The following COL19A1 variants were observed in gnomAD, a reference collection of about 807,000 sequenced individuals.
COL19A1 encodes collagen alpha-1(XIX) chain.
A neutral mutation model predicts 190.2 loss-of-function variants in COL19A1; 159 were observed. The ratio of observed to expected loss-of-function variants is 0.84; its 90% CI spans 0.73 to 0.95. The LOEUF is 0.95. COL19A1 is among the 40% of genes least tolerant of loss of function. COL19A1 has a pLI of 0.00. For synonymous variants in COL19A1, 509 were observed against 458.9 expected (o/e 1.11, Z -1.39); for missense variants, 1,418 against 1,431.9 (o/e 0.99, Z 0.16).
chr6:69,885,471 T>C (rs988927345), intron 2 of COL19A1, among the ~76,000 whole-genome samples: 2 of 152,230 alleles, frequency 1.3e-5, no homozygotes, highest in African/African-American at 2.4e-5. Flanking sequence ...ACGTAGTTAC[T>C]TATTTTTGTA....
At chr6:70,006,557 C>A (rs916050837) in intron 11 of COL19A1, among the ~76,000 whole-genome samples, 1 of 152,156 alleles carries the variant, frequency 6.6e-6, no homozygotes, top group Non-Finnish European at 1.5e-5. Flanking sequence ...TCTATGGGAG[C>A]CTCTGATTGC....
intron 9 of COL19A1, among the ~76,000 whole-genome samples, chr6:69,938,391 G>T (rs1773248385): frequency 6.6e-6 from 1 of 152,028 alleles, no homozygotes; most frequent in African/African-American, 2.4e-5. Context: ...TTCTAGCTGT[G>T]CCCTAGCCTT....
intron 18 of COL19A1, among the ~76,000 whole-genome samples, chr6:70,132,429 T>C (rs77577855): frequency 0.02 from 3,034 of 152,238 alleles, 91 homozygotes; most frequent in African/African-American, 0.068. Flanking sequence ...AACATGAGCA[T>C]AGCAGTTGCT....
chr6:69,976,115 T>C (rs1775698935), intron 11 of COL19A1, among the ~76,000 whole-genome samples: 1 of 152,190 alleles, frequency 6.6e-6, no homozygotes. Flanking sequence ...TGTATATTTT[T>C]TAAATGAGCA....
chr6:69,932,728 C>A, intron 6 of COL19A1, 55 bp from the exon 7 acceptor site: 1 of 1,009,192 alleles, frequency 9.9e-7, no homozygotes, highest in Non-Finnish European at 1.5e-6. Flanking sequence ...TTCTTAACTG[C>A]CTGAATGTGA....
chr6:69,990,704 T>G (rs1367415237), intron 11 of COL19A1, among the ~76,000 whole-genome samples: 1 of 152,042 alleles, frequency 6.6e-6, no homozygotes, highest in Non-Finnish European at 1.5e-5. Flanking sequence ...TTAGGTGTGA[T>G]GTTTTTAGCA....
At chr6:69,892,223 G>A (rs889539299) in intron 2 of COL19A1, among the ~76,000 whole-genome samples, 1 of 152,188 alleles carries the variant, frequency 6.6e-6, no homozygotes, top group Non-Finnish European at 1.5e-5. Flanking sequence ...CAGGATAATT[G>A]CTCAGAACTA....
chr6:69,891,207 A>AGC (rs1486567397), intron 2 of COL19A1: 3 of 154,296 alleles, frequency 1.9e-5, no homozygotes, highest in Non-Finnish European at 2.9e-5. Context: ...AGCTAGCAAA[A>AGC]AAAAAAAAAA....
intron 9 of COL19A1, among the ~76,000 whole-genome samples, chr6:69,939,875 A>G (rs999144438): frequency 6.6e-6 from 1 of 152,138 alleles, no homozygotes; most frequent in African/African-American, 2.4e-5. Flanking sequence ...TGTTATACCT[A>G]TACTATAAAG....
At chr6:69,921,499 CAT>C (rs138505138) in intron 4 of COL19A1, among the ~76,000 whole-genome samples, 1,022 of 12,648 alleles carry the variant, frequency 0.081, 52 homozygotes, top group African/African-American at 0.15. Flanking sequence ...CATATATATT[CAT>C]ATATATTCAT....
At chr6:70,174,906 G>T (rs116905150) in intron 41 of COL19A1, among the ~76,000 whole-genome samples, 1 of 152,164 alleles carries the variant, frequency 6.6e-6, no homozygotes, top group East Asian at 1.9e-4. Flanking sequence ...AAGTTGGAAC[G>T]CATGAAATTG....
At chr6:70,172,616 T>G (rs1473048814) in intron 41 of COL19A1, among the ~76,000 whole-genome samples, 1 of 152,214 alleles carries the variant, frequency 6.6e-6, no homozygotes, top group East Asian at 1.9e-4. Context: ...AGTAAGCACC[T>G]AAAAACATGT....
chr6:69,907,910 C>T (rs1222931264), intron 4 of COL19A1, among the ~76,000 whole-genome samples: 2 of 152,126 alleles, frequency 1.3e-5, no homozygotes, highest in Admixed American at 1.3e-4. Context: ...TCTAGTCTTT[C>T]CTTCCTGGAA....
chr6:70,203,168 C>T (rs1012236164), intron 49 of COL19A1, among the ~76,000 whole-genome samples: 1 of 152,190 alleles, frequency 6.6e-6, no homozygotes, highest in African/African-American at 2.4e-5. Flanking sequence ...ATTTAAACTT[C>T]TTCTCAAACA....
intron 11 of COL19A1, among the ~76,000 whole-genome samples, chr6:69,978,314 C>T (rs1448303454): frequency 6.6e-6 from 1 of 151,932 alleles, no homozygotes; most frequent in Non-Finnish European, 1.5e-5. Flanking sequence ...TAATGTTTTG[C>T]ATTTTATCCA....
intron 16 of COL19A1, among the ~76,000 whole-genome samples, chr6:70,112,698 G>A (rs1784351496): frequency 6.6e-6 from 1 of 152,090 alleles, no homozygotes; most frequent in Non-Finnish European, 1.5e-5. Context: ...TTATGAAATG[G>A]GTTAATTATG....
intron 2 of COL19A1, among the ~76,000 whole-genome samples, chr6:69,882,751 C>A (rs1268838490): frequency 6.6e-6 from 1 of 152,064 alleles, no homozygotes; most frequent in Non-Finnish European, 1.5e-5. Context: ...CATATAAGCC[C>A]TTCTAAGGTA....
intron 14 of COL19A1, among the ~76,000 whole-genome samples, chr6:70,051,111 AT>A (rs70987495): frequency 2.4e-3 from 369 of 152,236 alleles, no homozygotes; most frequent in Middle Eastern, 3.4e-3. Context: ...AAGGAATTCA[AT>A]TTCCTTTAGC....
chr6:70,178,700 C>A (rs1300257535), intron 42 of COL19A1, among the ~76,000 whole-genome samples: 1 of 152,084 alleles, frequency 6.6e-6, no homozygotes, highest in Non-Finnish European at 1.5e-5. Context: ...AGGGCTGGGG[C>A]CTGCCCACAC....
Sources: gnomAD v4.1 joint callset for allele counts (sites outside exome capture counted in the v4.1 genomes callset) on GRCh38, gnomAD v4.1.1 for gene constraint, MANE v1.5 for transcripts, NCBI Gene and HGNC (gene_info 2026-07-23, HGNC 2026-07-21) for gene names.